The following LMO7 variants were observed in gnomAD, a reference collection of about 807,000 sequenced individuals.
LMO7 encodes the protein LIM domain only protein 7.
Under a neutral mutation model 206.5 loss-of-function variants are expected in LMO7, and 120 were observed. The observed-to-expected ratio is 0.58, with a 90% CI of 0.50 to 0.68. The LOEUF (loss-of-function observed/expected upper bound fraction) is 0.68. LMO7 is among the 30% of genes least tolerant of loss of function. The probability of loss-of-function intolerance (pLI) is 0.00; values close to 1 mark genes in which losing one functional copy is unlikely to be tolerated. For missense variants in LMO7, 1,959 were observed against 1,957.9 expected (o/e 1.00, Z -0.01); for synonymous variants, 706 against 681.5 (o/e 1.04, Z -0.56).
chr13:75,733,459 C>T (rs1000393973), intron 3 of LMO7, among the ~76,000 whole-genome samples: 4 of 152,148 alleles, frequency 2.6e-5, no homozygotes, highest in Non-Finnish European at 5.9e-5. Context: ...CCTGGTGCGC[C>T]GTTTTTTAAG....
intron 15 of LMO7, among the ~76,000 whole-genome samples, chr13:75,829,730 C>T (rs1329970460): frequency 6.6e-6 from 1 of 151,454 alleles, no homozygotes; most frequent in Non-Finnish European, 1.5e-5. Context: ...TCTATGTTGA[C>T]ATGAAAATCT....
intron 4 of LMO7, among the ~76,000 whole-genome samples, chr13:75,785,583 A>C (rs949957012): frequency 1.3e-5 from 2 of 152,216 alleles, no homozygotes; most frequent in African/African-American, 4.8e-5. Context: ...GTTCTGCCAA[A>C]AAAATAAATT....
intron 2 of LMO7, among the ~76,000 whole-genome samples, chr13:75,714,894 A>G (rs1417691232): frequency 6.6e-6 from 1 of 152,110 alleles, no homozygotes; most frequent in African/African-American, 2.4e-5. Context: ...TGCAGTAAAA[A>G]AAAAAAGCCA....
At chr13:75,649,517 C>G (rs1350017705) in intron 1 of LMO7, among the ~76,000 whole-genome samples, 1 of 152,122 alleles carries the variant, frequency 6.6e-6, no homozygotes, top group Non-Finnish European at 1.5e-5. Context: ...ACAGAGTAAT[C>G]TATCACGTGT....
intron 15 of LMO7, 98 bp from the exon 16 acceptor site, chr13:75,832,953 G>A: frequency 1.6e-6 from 1 of 644,388 alleles, no homozygotes; most frequent in Non-Finnish European, 2.8e-6. Context: ...AATGATTCAA[G>A]TCTACCTAGC....
At chr13:75,683,420 T>G (rs2040719696) in intron 1 of LMO7, among the ~76,000 whole-genome samples, 1 of 152,190 alleles carries the variant, frequency 6.6e-6, no homozygotes, top group Non-Finnish European at 1.5e-5. Context: ...TGAATTGAGG[T>G]TTACGTTGGT....
intron 1 of LMO7, among the ~76,000 whole-genome samples, chr13:75,656,046 T>C (rs542909426): frequency 6.6e-6 from 1 of 152,262 alleles, no homozygotes; most frequent in East Asian, 1.9e-4. Context: ...CAGGAAAACA[T>C]CTCTACCTCC....
At chr13:75,737,777 T>TAA (rs1391839155) in intron 3 of LMO7, among the ~76,000 whole-genome samples, 4,553 of 21,736 alleles carry the variant, frequency 0.21, 394 homozygotes, top group Middle Eastern at 0.33. Flanking sequence ...TAAAATAAAA[T>TAA]AAAATAAAAA....
intron 1 of LMO7, among the ~76,000 whole-genome samples, chr13:75,666,691 T>C (rs2039097493): frequency 6.6e-6 from 1 of 152,210 alleles, no homozygotes; most frequent in African/African-American, 2.4e-5. Context: ...TTTAAAAATA[T>C]GAAAAGACCC....
At chr13:75,821,690 A>C in intron 14 of LMO7, 81 bp downstream of exon 14, 1 of 897,418 alleles carries the variant, frequency 1.1e-6, no homozygotes, top group Non-Finnish European at 1.7e-6. Flanking sequence ...GGGTTACATC[A>C]ACTTGATGTG....
rs528687660 is a variant in LMO7 at position 75,696,198 on chromosome 13, T to G, written c.70-16984T>G. ...GGTGAAACCCTGTCTCTACTAAAAA[T>G]ACAAAAATGAGCCGGGCATGGTGGT... On this transcript the variant is annotated intron_variant, in intron 1 of 30. Coordinates refer to ENST00000377534, the MANE Select transcript of LMO7 (RefSeq NM_001306080.2). 1.0e-3 allele frequency among the ~76,000 whole-genome samples: 158 copies of G among 152,056 alleles called. 5 individuals are homozygous for G. In the South Asian group the frequency reaches 0.032, roughly 31 times the overall value.
At chr13:75,782,246 G>T (rs2051603687) in intron 4 of LMO7, among the ~76,000 whole-genome samples, 2 of 152,150 alleles carry the variant, frequency 1.3e-5, no homozygotes, top group African/African-American at 4.8e-5. Context: ...TAAACTGTTG[G>T]CATTGATTAG....
chr13:75,665,312 T>A (rs1364323452), intron 1 of LMO7, among the ~76,000 whole-genome samples: 1 of 152,008 alleles, frequency 6.6e-6, no homozygotes, highest in Non-Finnish European at 1.5e-5. Context: ...CTTCTTTTTT[T>A]AAAAAAGGGT....
intron 2 of LMO7, among the ~76,000 whole-genome samples, chr13:75,725,511 A>T (rs1181894877): frequency 6.6e-6 from 1 of 152,142 alleles, no homozygotes; most frequent in Middle Eastern, 3.2e-3. Flanking sequence ...TGCCACCAGT[A>T]ACAGAAATAT....
rs374665448 is a variant in LMO7 at position 75,729,931 on chromosome 13, G to T, written c.210+2833G>T. Among the ~76,000 whole-genome samples the T allele has an allele frequency of 8.8e-4, 134 of 151,736 alleles. No individual in the cohort carries two copies. In the Middle Eastern group the frequency reaches 0.014, roughly 15 times the overall value. On this transcript the variant is annotated intron_variant, in intron 3 of 30. Transcript: ENST00000377534. Reference sequence around the variant, plus strand: ...TTCTGTTTATATGCTGGATTACATTGATTGATTTGCATATATTGAACCAGC... The same window carrying T: ...TTCTGTTTATATGCTGGATTACATTTATTGATTTGCATATATTGAACCAGC...
intron 4 of LMO7, 41 bp from the exon 5 acceptor site, chr13:75,795,360 G>A (rs2053856486): frequency 7.3e-7 from 1 of 1,371,876 alleles, no homozygotes; most frequent in South Asian, 1.3e-5. Context: ...ATAATTTAAG[G>A]TTCACGGATA....
chr13:75,777,480 A>G (rs1228699579), intron 4 of LMO7, among the ~76,000 whole-genome samples: 1 of 152,102 alleles, frequency 6.6e-6, no homozygotes, highest in South Asian at 2.1e-4. Flanking sequence ...CCTGTTTTAA[A>G]TCTGGTGCCT....
At chr13:75,757,166 G>A (rs2047741825) in intron 3 of LMO7, among the ~76,000 whole-genome samples, 1 of 152,158 alleles carries the variant, frequency 6.6e-6, no homozygotes. Context: ...ATTTGGTAAA[G>A]AACCAAGGCT....
At chr13:75,818,599 T>G (rs765160367) in intron 12 of LMO7, among the ~76,000 whole-genome samples, 3 of 152,164 alleles carry the variant, frequency 2.0e-5, no homozygotes, top group Non-Finnish European at 4.4e-5. Flanking sequence ...CCCAGCAAGG[T>G]TAGGCTTAAC....
Sources: gnomAD v4.1 joint callset for allele counts (sites outside exome capture counted in the v4.1 genomes callset) on GRCh38, gnomAD v4.1.1 for gene constraint, MANE v1.5 for transcripts, NCBI Gene and HGNC (gene_info 2026-07-23, HGNC 2026-07-21) for gene names.